The following TRIP12 variants were observed in gnomAD, a reference collection of about 807,000 sequenced individuals.
The protein encoded by TRIP12 is thyroid hormone receptor interactor 12.
A neutral mutation model predicts 244.2 loss-of-function variants in TRIP12; 25 were observed. The ratio of observed to expected loss-of-function variants is 0.10; its 90% confidence interval spans 0.07 to 0.14. The LOEUF (loss-of-function observed/expected upper bound fraction) is 0.14, where lower values mean the gene tolerates loss of function less well. Among genes scored for constraint, TRIP12 ranks in the 10% least tolerant of loss-of-function variants. TRIP12 has a pLI of 1.00. For synonymous variants in TRIP12, 905 were observed against 873.1 expected (o/e 1.04, Z -0.64); for missense variants, 1,677 against 2,486.4 (o/e 0.67, Z 6.92).
chr2:229,917,728 C>T (rs988430226), intron 1 of TRIP12, among the ~76,000 whole-genome samples: 4 of 152,132 alleles, frequency 2.6e-5, no homozygotes, highest in Non-Finnish European at 5.9e-5. Flanking sequence ...TCAAAGAACC[C>T]TTCCAAGCAG....
intron 8 of TRIP12, among the ~76,000 whole-genome samples, chr2:229,825,807 G>T (rs1176600447): frequency 6.6e-6 from 1 of 152,168 alleles, no homozygotes; most frequent in Admixed American, 6.5e-5. Context: ...GGCACATCTT[G>T]TCATACCAGA....
rs774847694 is a variant in TRIP12, at chr2:229,791,911, T to C, written c.4370A>G (p.Asn1457Ser). The part of the protein sequence containing the change: ...DERESTDDES[N>S]PLGRAGIWTK... The stretch of plus-strand genomic sequence containing the variant: ...CCAAATACCAGCTCTGCCTAGAGGA[T>C]TGCTCTCATCATCTGTGGATTCTCT... Residue 1457 changes from asparagine to serine, a missense_variant, in exon 29 of 42, where the codon AAT becomes AGT. Physicochemically the swap from Asn to Ser is conservative, Grantham distance 46 (BLOSUM62 1). Coordinates refer to ENST00000675903, the MANE Select transcript of TRIP12 (RefSeq NM_001348323.3). 4.7e-5 allele frequency: 76 copies of C among 1,614,022 alleles called. No individual in the cohort carries two copies. In the Admixed American group the frequency reaches 1.0e-3, roughly 22 times the overall value.
At chr2:229,884,130 ATGT>A (rs978657120) in intron 1 of TRIP12, among the ~76,000 whole-genome samples, 16 of 151,594 alleles carry the variant, frequency 1.1e-4, no homozygotes, top group African/African-American at 2.9e-4. Context: ...AAAAACCTGT[ATGT>A]TGTTGTTTTA....
At chr2:229,892,557 G>C (rs2067626498) in intron 1 of TRIP12, among the ~76,000 whole-genome samples, 1 of 152,046 alleles carries the variant, frequency 6.6e-6, no homozygotes, top group Non-Finnish European at 1.5e-5. Context: ...ACCCATTTGA[G>C]AATAATGTGA....
Position 229,767,142 on chromosome 2 carries a change from T to TA in TRIP12, c.*411dup, listed in dbSNP as rs2032046035. The TA allele has an allele frequency of 6.3e-6, 1 of 159,374 alleles. No individual in the cohort carries two copies. Among genetic ancestry groups the TA allele is most frequent in the African/African-American group, 2.4e-5 (1 of 41,778 alleles). 9.9% of individuals were successfully genotyped at this position (159,374 alleles called of 1,614,324 possible). A position where few individuals can be genotyped will look rare whatever the true frequency, so the allele number is the denominator to read the frequency against. ...ACATGTGAGCTTAAATTTCTGTACT[T>TA]ATGTACAAGAGTTGTCTTTGGAGGA... On this transcript the variant is annotated 3_prime_UTR_variant, in exon 42 of 42. Transcript: ENST00000675903.
chr2:229,785,388 T>A (rs1266340602), intron 34 of TRIP12, among the ~76,000 whole-genome samples: 1 of 152,228 alleles, frequency 6.6e-6, no homozygotes, highest in Non-Finnish European at 1.5e-5. Flanking sequence ...ACAAATTGCA[T>A]CTGTCAACCC....
intron 1 of TRIP12, among the ~76,000 whole-genome samples, chr2:229,910,288 T>C (rs577727366): frequency 1.3e-5 from 2 of 152,356 alleles, no homozygotes; most frequent in Admixed American, 6.5e-5. Flanking sequence ...TTTCTTGAGA[T>C]ACAGTAAACT....
intron 21 of TRIP12, among the ~76,000 whole-genome samples, chr2:229,799,648 G>A (rs977927752): frequency 2.0e-4 from 30 of 151,988 alleles, no homozygotes; most frequent in Non-Finnish European, 2.9e-4. Context: ...GGTGGCGGGC[G>A]CCTGTAGTCT....
At position 229,815,160 on chromosome 2, in the gene TRIP12, A is replaced by G; in HGVS notation, c.1670T>C (p.Met557Thr). ...AGCAGAAGATCGAGGAAGTGCTTCC[A>G]TCATGTATGTTAAGGCTCGACAAGC... is the stretch of plus-strand genomic sequence containing the variant. Reference protein sequence around the residue: ...NHACRALTYMMEALPRSSAVV... With the variant: ...NHACRALTYMTEALPRSSAVV... The change falls in exon 11 of 42, where the codon ATG (methionine) becomes ACG (threonine). Residue 557 changes from methionine to threonine, a missense_variant. By Grantham distance (81) the Met-to-Thr change is moderately conservative (BLOSUM62 -1). Transcript: ENST00000675903. The G allele has an allele frequency of 6.2e-7, 1 of 1,613,304 alleles. No homozygotes were observed. Among genetic ancestry groups the G allele is most frequent in the Non-Finnish European group, 8.5e-7 (1 of 1,179,646 alleles).
At chr2:229,903,235 T>C (rs1384152705) in intron 1 of TRIP12, among the ~76,000 whole-genome samples, 1 of 152,058 alleles carries the variant, frequency 6.6e-6, no homozygotes, top group Non-Finnish European at 1.5e-5. Context: ...ACTTGCTGCT[T>C]AGAATGGCAG....
At chr2:229,922,951 GAGA>G (rs2076808833), upstream of TRIP12, among the ~76,000 whole-genome samples, 2 of 152,240 alleles carry the variant, frequency 1.3e-5, no homozygotes. Context: ...ACCTCAGCGT[GAGA>G]AGGAGGGAAA....
intron 34 of TRIP12, among the ~76,000 whole-genome samples, chr2:229,783,630 A>G (rs981961709): frequency 4.6e-5 from 7 of 152,192 alleles, no homozygotes; most frequent in African/African-American, 1.7e-4. Context: ...AAAGATTCAG[A>G]TAAGTGTACA....
intron 1 of TRIP12, among the ~76,000 whole-genome samples, chr2:229,887,793 TTTAA>T (rs2066370974): frequency 6.6e-6 from 1 of 152,220 alleles, no homozygotes; most frequent in Non-Finnish European, 1.5e-5. Flanking sequence ...CTAGGAATTA[TTTAA>T]TTTTCTGCAA....
chr2:229,853,267 T>C (rs573299434), intron 4 of TRIP12, among the ~76,000 whole-genome samples: 5 of 152,326 alleles, frequency 3.3e-5, no homozygotes, highest in Admixed American at 2.6e-4. Context: ...ATTTTTAATA[T>C]AATTTTTAGA....
intron 8 of TRIP12, among the ~76,000 whole-genome samples, chr2:229,826,151 TA>T (rs1275614157): frequency 6.6e-6 from 1 of 152,228 alleles, no homozygotes; most frequent in East Asian, 1.9e-4. Context: ...ATATTTCTAC[TA>T]AATTATTAAT....
intron 1 of TRIP12, among the ~76,000 whole-genome samples, chr2:229,899,749 G>C (rs2070069278): frequency 6.6e-6 from 1 of 152,164 alleles, no homozygotes; most frequent in African/African-American, 2.4e-5. Context: ...GAAGTGGAAT[G>C]GTCTAGAATG....
chr2:229,788,971 C>A, intron 31 of TRIP12, 31 bp from the exon 32 acceptor site: 1 of 1,543,900 alleles, frequency 6.5e-7, no homozygotes, highest in Non-Finnish European at 8.8e-7. Flanking sequence ...AAAAAGTCTA[C>A]ATGTAGTAAA....
intron 1 of TRIP12, among the ~76,000 whole-genome samples, chr2:229,905,873 A>G (rs1265245764): frequency 2.0e-5 from 3 of 152,242 alleles, no homozygotes; most frequent in African/African-American, 7.2e-5. Flanking sequence ...CCAATAGCCA[A>G]TGAGGGCCTT....
intron 1 of TRIP12, among the ~76,000 whole-genome samples, chr2:229,890,872 G>A (rs1019223032): frequency 2.6e-5 from 4 of 152,150 alleles, no homozygotes; most frequent in Middle Eastern, 3.2e-3. Context: ...GCCAGAATAC[G>A]TACAAACCAG....
Sources: gnomAD v4.1 joint callset for allele counts (sites outside exome capture counted in the v4.1 genomes callset) on GRCh38, gnomAD v4.1.1 for gene constraint, MANE v1.5 for transcripts, NCBI Gene and HGNC (gene_info 2026-07-23, HGNC 2026-07-21) for gene names.